Variants in CAMKMT observed in about 807,000 individuals in gnomAD.
The protein encoded by CAMKMT is calmodulin-lysine N-methyltransferase, also known as CaM KMT.
CAMKMT carries 53 observed loss-of-function variants against 48.0 expected under a neutral mutation model. The observed-to-expected ratio is 1.10, with a 90% CI of 0.89 to 1.39. The LOEUF (loss-of-function observed/expected upper bound fraction) is 1.39, where lower values mean the gene tolerates loss of function less well. Ranked by LOEUF, CAMKMT falls within the 40% of genes most tolerant of loss-of-function variation. The probability of loss-of-function intolerance (pLI) is 0.00; values close to 1 mark genes in which losing one functional copy is unlikely to be tolerated. For missense variants in CAMKMT, 428 were observed against 402.7 expected, an observed-to-expected ratio of 1.06 and a Z score of -0.54; for synonymous variants, 165 against 152.3, an observed-to-expected ratio of 1.08 and a Z score of -0.61.
intron 3 of CAMKMT, among the ~76,000 whole-genome samples, chr2:44,535,757 A>G (rs1439129054): frequency 6.6e-6 from 1 of 152,176 alleles, no homozygotes; most frequent in Non-Finnish European, 1.5e-5. Context: ...TAAAGGCCAT[A>G]TATGACAAGC....
At chr2:44,517,381 A>G (rs570271795) in intron 3 of CAMKMT, among the ~76,000 whole-genome samples, 1 of 152,346 alleles carries the variant, frequency 6.6e-6, no homozygotes, top group South Asian at 2.1e-4. Context: ...AAATACAGCA[A>G]TAATTTTTCA....
intron 3 of CAMKMT, among the ~76,000 whole-genome samples, chr2:44,543,939 G>C: frequency 6.6e-6 from 1 of 152,192 alleles, no homozygotes; most frequent in East Asian, 1.9e-4. Flanking sequence ...TTTAGTTTCT[G>C]TTCAGAAGGT....
chr2:44,387,087 A>G (rs1680847409), intron 2 of CAMKMT, among the ~76,000 whole-genome samples: 1 of 152,144 alleles, frequency 6.6e-6, no homozygotes. Context: ...TTCTGTCTTG[A>G]TGACCTGTCT....
chr2:44,389,597 T>C (rs958251577), intron 2 of CAMKMT, among the ~76,000 whole-genome samples: 1 of 152,180 alleles, frequency 6.6e-6, no homozygotes, highest in African/African-American at 2.4e-5. Flanking sequence ...CTATGACCTA[T>C]TGCACAATTG....
At chr2:44,655,790 A>C (rs141467384) in intron 3 of CAMKMT, among the ~76,000 whole-genome samples, 1 of 152,294 alleles carries the variant, frequency 6.6e-6, no homozygotes, top group African/African-American at 2.4e-5. Context: ...ACTTGATGAC[A>C]TTATGGTTTT....
At chr2:44,430,369 T>C (rs1346956149) in intron 3 of CAMKMT, among the ~76,000 whole-genome samples, 1 of 152,050 alleles carries the variant, frequency 6.6e-6, no homozygotes, top group South Asian at 2.1e-4. Context: ...TTTATTTTAG[T>C]AGGCAATTTT....
intron 3 of CAMKMT, among the ~76,000 whole-genome samples, chr2:44,688,194 A>G (rs1558796992): frequency 6.7e-6 from 1 of 149,270 alleles, no homozygotes; most frequent in Non-Finnish European, 1.5e-5. Flanking sequence ...TTTCCTTAAC[A>G]AAAAAAAAAG....
At chr2:44,770,790 T>A (rs1573265280) in intron 10 of CAMKMT, among the ~76,000 whole-genome samples, 1 of 152,342 alleles carries the variant, frequency 6.6e-6, no homozygotes, top group East Asian at 1.9e-4. Flanking sequence ...CTCGCTACTT[T>A]GGTAGCAGCA....
intron 3 of CAMKMT, among the ~76,000 whole-genome samples, chr2:44,547,695 T>C (rs1287475737): frequency 6.6e-6 from 1 of 151,608 alleles, no homozygotes; most frequent in East Asian, 1.9e-4. Context: ...CTCTGTACTA[T>C]CATTTCCTCA....
Position 44,749,758 on chromosome 2 carries a change from G to T in CAMKMT, c.699-4297G>T, listed in dbSNP as rs576481265. 6.6e-5 allele frequency among the ~76,000 whole-genome samples: 10 copies of T among 152,286 alleles called. No homozygotes were observed. The South Asian group carries it at 1.9e-3, about 28-fold the overall frequency. The stretch of plus-strand genomic sequence containing the variant: ...AAACCCTGAACCAAGTTCCTCCCTT[G>T]TCTGAAGTACAGCTCCACGCAACAG... On this transcript the variant is annotated intron_variant, in intron 8 of 10. Transcript: ENST00000378494.
At chr2:44,578,238 A>G (rs557485082) in intron 3 of CAMKMT, among the ~76,000 whole-genome samples, 5 of 152,340 alleles carry the variant, frequency 3.3e-5, no homozygotes, top group Admixed American at 6.5e-5. Flanking sequence ...CGTAACATAA[A>G]GTACTTTAAC....
At position 44,652,504 on chromosome 2, in the gene CAMKMT, G is replaced by T. The variant is rs114485911; in HGVS notation, c.377-51779G>T. ...CCCCTCTGGGGTCTCCACAGGTAAA[G>T]CTTGATTATGCCTCTATGGTTGACT... On this transcript the variant is annotated intron_variant, in intron 3 of 10. Coordinates refer to ENST00000378494, the MANE Select transcript of CAMKMT (RefSeq NM_024766.5). Among the ~76,000 whole-genome samples the T allele has an allele frequency of 5.8e-3, 877 of 152,320 alleles. 10 individuals are homozygous for T. The highest frequency in any genetic ancestry group is 0.02 in the African/African-American group (832 of 41,580).
intron 9 of CAMKMT, among the ~76,000 whole-genome samples, chr2:44,765,476 G>A (rs929927834): frequency 1.8e-4 from 27 of 151,674 alleles, no homozygotes; most frequent in African/African-American, 6.3e-4. Context: ...TTTCACAGAG[G>A]TGAAGTGTAA....
At chr2:44,452,806 A>G (rs1667360476) in intron 3 of CAMKMT, among the ~76,000 whole-genome samples, 1 of 152,038 alleles carries the variant, frequency 6.6e-6, no homozygotes, top group Non-Finnish European at 1.5e-5. Context: ...TTCATTAGGT[A>G]TATTTACAAG....
At chr2:44,435,516 G>T (rs1666184351) in intron 3 of CAMKMT, among the ~76,000 whole-genome samples, 1 of 152,290 alleles carries the variant, frequency 6.6e-6, no homozygotes, top group East Asian at 1.9e-4. Flanking sequence ...TGATGATTCA[G>T]TGCCTGAAAT....
At chr2:44,424,520 T>C (rs762432277) in intron 3 of CAMKMT, among the ~76,000 whole-genome samples, 7 of 152,176 alleles carry the variant, frequency 4.6e-5, no homozygotes, top group African/African-American at 1.2e-4. Context: ...CTGGAATCTA[T>C]AGATAACACA....
chr2:44,393,985 T>C (rs566380400), intron 3 of CAMKMT, among the ~76,000 whole-genome samples: 1 of 152,360 alleles, frequency 6.6e-6, no homozygotes, highest in East Asian at 1.9e-4. Flanking sequence ...CCATAGTATC[T>C]AATTTAACTA....
rs138783571 is a variant in CAMKMT at position 44,437,394 on chromosome 2, G to A, written c.376+47089G>A. 5.3e-5 allele frequency among the ~76,000 whole-genome samples: 8 copies of A among 152,320 alleles called. No individual in the cohort carries two copies. In the East Asian group the frequency reaches 1.5e-3, roughly 29 times the overall value. ...TAAAGAGGCCCCAAGCAGGGTTACT[G>A]GGGGGATAGTTGTTCTGTTGGGGAA... On this transcript the variant is annotated intron_variant, in intron 3 of 10. Coordinates refer to ENST00000378494, the MANE Select transcript of CAMKMT (RefSeq NM_024766.5).
intron 3 of CAMKMT, among the ~76,000 whole-genome samples, chr2:44,589,883 T>TTAAAAAAAAA (rs1317497090): frequency 4.3e-5 from 1 of 23,268 alleles, no homozygotes; most frequent in African/African-American, 1.6e-4. Context: ...GAATGATCAA[T>TTAAAAAAAAA]AAAAAAAAAA....
Sources: gnomAD v4.1 joint callset for allele counts (sites outside exome capture counted in the v4.1 genomes callset) on GRCh38, gnomAD v4.1.1 for gene constraint, MANE v1.5 for transcripts, NCBI Gene and HGNC (gene_info 2026-07-23, HGNC 2026-07-21) for gene names.